BACH2: variants seen among roughly 807,000 people sequenced by gnomAD.
BACH2 encodes the protein transcription regulator protein BACH2.
Under a neutral mutation model 61.8 loss-of-function variants are expected in BACH2, and 5 were observed. The observed-to-expected ratio is 0.08, with a 90% CI of 0.04 to 0.17. The LOEUF is 0.17. Among genes scored for constraint, BACH2 ranks in the 10% least tolerant of loss-of-function variants. The pLI is 1.00. For missense variants in BACH2, 824 were observed against 1,091.1 expected, an observed-to-expected ratio of 0.76 and a Z score of 3.45; for synonymous variants, 446 against 440.1, an observed-to-expected ratio of 1.01 and a Z score of -0.17.
At chr6:90,211,121 C>A (rs2127851449) in intron 3 of BACH2, among the ~76,000 whole-genome samples, 2 of 73,342 alleles carry the variant, frequency 2.7e-5, no homozygotes, top group Non-Finnish European at 4.9e-5. Context: ...AGGGAGACTC[C>A]ATCTCAAAAA....
At chr6:90,239,730 C>T (rs571012783) in intron 3 of BACH2, among the ~76,000 whole-genome samples, 2 of 149,688 alleles carry the variant, frequency 1.3e-5, no homozygotes, top group African/African-American at 2.5e-5. Flanking sequence ...TCAAAGGTCA[C>T]GTTTGTTTTT....
chr6:89,971,599 ATACCTGAGACTGGG>A (rs1775363294), intron 6 of BACH2, among the ~76,000 whole-genome samples: 1 of 151,946 alleles, frequency 6.6e-6, no homozygotes, highest in Admixed American at 6.5e-5. Flanking sequence ...TGATAAAGAC[ATACCTGAGACTGGG>A]TAATTTATAA....
chr6:90,238,025 T>G (rs1338700805), intron 3 of BACH2, among the ~76,000 whole-genome samples: 4 of 152,236 alleles, frequency 2.6e-5, no homozygotes, highest in Non-Finnish European at 5.9e-5. Flanking sequence ...GAAGCAAGAT[T>G]AATCTCGTTT....
At chr6:90,014,440 G>GTATATATA (rs1201471150) in intron 5 of BACH2, among the ~76,000 whole-genome samples, 87 of 47,998 alleles carry the variant, frequency 1.8e-3, no homozygotes, top group East Asian at 2.8e-3. Flanking sequence ...GTGTGTGTGT[G>GTATATATA]TATATATATA....
At position 90,168,246 on chromosome 6, in the gene BACH2, T is replaced by A. The variant is rs180781037; in HGVS notation, c.-162+38323A>T. Among the ~76,000 whole-genome samples the A allele has an allele frequency of 3.7e-3, 568 of 152,142 alleles. 4 individuals are homozygous for A. Among genetic ancestry groups the A allele is most frequent in the Non-Finnish European group, 6.8e-3 (459 of 67,986 alleles). Reference sequence around the variant, plus strand: ...GGTGGTGCCTATAGTCCCAGCTACATGGAAGCCTGAGGCCAGAGGACTGCT... The same window carrying A: ...GGTGGTGCCTATAGTCCCAGCTACAAGGAAGCCTGAGGCCAGAGGACTGCT... On this transcript the variant is annotated intron_variant, in intron 4 of 8. Coordinates refer to ENST00000257749, the MANE Select transcript of BACH2 (RefSeq NM_021813.4).
rs1774031322 is a variant in BACH2, at chr6:89,950,686, G to C, written c.1420C>G (p.Leu474Val). The change falls in exon 7 of 9, where the codon CTC becomes GTC. Residue 474 changes from leucine (L) to valine (V), a missense_variant. Coordinates refer to ENST00000257749, the MANE Select transcript of BACH2 (RefSeq NM_021813.4). The surrounding 1 kb of genome is among the most constrained non-coding windows in gnomAD (Gnocchi z 5.3). ...KGLWVGAGQSLPSSQAYSHGG... is the reference protein window; with the variant it reads ...KGLWVGAGQSVPSSQAYSHGG... ...TGGGAGTAGGCCTGCGAGCTGGGGA[G>C]GGACTGGCCGGCTCCCACCCACAGA... is the stretch of plus-strand genomic sequence containing the variant. The C allele has an allele frequency of 1.2e-6, 2 of 1,614,022 alleles. No homozygotes were observed. The highest frequency in any genetic ancestry group is 1.1e-5 in the South Asian group (1 of 91,080).
chr6:90,294,758 C>G (rs1211065278), intron 1 of BACH2, among the ~76,000 whole-genome samples: 1 of 152,206 alleles, frequency 6.6e-6, no homozygotes, highest in Non-Finnish European at 1.5e-5. Context: ...CAAAATAGCC[C>G]TCTCCGCCAA....
intron 6 of BACH2, among the ~76,000 whole-genome samples, chr6:89,987,086 G>A (rs998696105): frequency 6.6e-6 from 1 of 152,116 alleles, no homozygotes; most frequent in Non-Finnish European, 1.5e-5. Flanking sequence ...AGTGGCAACT[G>A]GTGAGCTACT....
intron 4 of BACH2, among the ~76,000 whole-genome samples, chr6:90,104,922 G>A (rs1467043630): frequency 1.3e-5 from 2 of 152,158 alleles, no homozygotes; most frequent in Non-Finnish European, 2.9e-5. Context: ...TAAGGAGACC[G>A]ATAATTCTAA....
chr6:90,117,597 C>T (rs1408066238), intron 4 of BACH2, among the ~76,000 whole-genome samples: 1 of 152,122 alleles, frequency 6.6e-6, no homozygotes, highest in African/African-American at 2.4e-5. Context: ...CTCTGCTCCC[C>T]TGTGCATCAC....
At chr6:90,087,726 TG>T (rs1212831393) in intron 5 of BACH2, among the ~76,000 whole-genome samples, 1 of 130,938 alleles carries the variant, frequency 7.6e-6, no homozygotes, top group African/African-American at 2.6e-5. Context: ...CCCATGTGTG[TG>T]TTTTTTTTTT....
chr6:90,014,468 A>ATATATATT (rs1222156456), intron 5 of BACH2, among the ~76,000 whole-genome samples: 1 of 32,306 alleles, frequency 3.1e-5, no homozygotes, highest in Non-Finnish European at 4.7e-5. Context: ...ATATATATAT[A>ATATATATT]TTTTTTTTTT....
chr6:90,000,493 G>C (rs1049269492), intron 6 of BACH2, among the ~76,000 whole-genome samples: 3 of 152,144 alleles, frequency 2.0e-5, no homozygotes, highest in African/African-American at 7.2e-5. Flanking sequence ...CATTTCATCA[G>C]AGAAGACTGT....
intron 4 of BACH2, among the ~76,000 whole-genome samples, chr6:90,171,221 G>A (rs1428827778): frequency 2.0e-5 from 3 of 151,950 alleles, no homozygotes; most frequent in African/African-American, 7.2e-5. Context: ...GACCAGCCTG[G>A]CCAACATGAT....
chr6:90,027,476 AT>A lies in BACH2; in HGVS notation c.-12-18621del, dbSNP rs201827087. 6.5e-4 allele frequency among the ~76,000 whole-genome samples: 99 copies of A among 151,810 alleles called. No homozygotes were observed. The East Asian group carries it at 7.3e-3, about 11-fold the overall frequency. On this transcript the variant is annotated intron_variant, in intron 5 of 8. Coordinates refer to ENST00000257749, the MANE Select transcript of BACH2 (RefSeq NM_021813.4). The stretch of plus-strand genomic sequence containing the variant: ...TAAAGCCAAGTATATTAAGGAAGAG[AT>A]TTTTTTTTAATTCACTCATTATAAA...
intron 3 of BACH2, among the ~76,000 whole-genome samples, chr6:90,210,611 G>A (rs1037587775): frequency 1.4e-4 from 21 of 152,142 alleles, no homozygotes; most frequent in South Asian, 2.1e-4. Context: ...AAAGATACCT[G>A]AGTTACCATG....
At chr6:90,030,280 G>A (rs1259629943) in intron 5 of BACH2, among the ~76,000 whole-genome samples, 3 of 152,254 alleles carry the variant, frequency 2.0e-5, no homozygotes, top group East Asian at 3.9e-4. Flanking sequence ...CCCTCAGGAT[G>A]ATGCTTTCAG....
At chr6:90,000,277 G>A (rs779793452) in intron 6 of BACH2, among the ~76,000 whole-genome samples, 3 of 152,286 alleles carry the variant, frequency 2.0e-5, no homozygotes, top group Non-Finnish European at 2.9e-5. Flanking sequence ...TCACCTCTGC[G>A]TTACTATAAA....
chr6:90,157,482 GAGTTGCCTGGA>G (rs1582430003), intron 4 of BACH2, among the ~76,000 whole-genome samples: 1 of 152,216 alleles, frequency 6.6e-6, no homozygotes, highest in East Asian at 1.9e-4. Context: ...TTACACGACA[GAGTTGCCTGGA>G]AGTAAAGCCA....
Sources: allele counts gnomAD v4.1 joint callset (sites outside exome capture counted in the v4.1 genomes callset), GRCh38; gene constraint gnomAD v4.1.1; non-coding constraint Gnocchi (gnomAD v3.1); transcripts MANE v1.5; gene names NCBI Gene and HGNC (gene_info 2026-07-23, HGNC 2026-07-21).